Variants in HERC4 observed in about 807,000 individuals in gnomAD.
HERC4 encodes probable E3 ubiquitin-protein ligase HERC4.
HERC4 carries 28 observed loss-of-function variants against 124.3 expected under a neutral mutation model. That is an observed-to-expected ratio of 0.23 (90% CI 0.17 to 0.31). HERC4 has a LOEUF of 0.31. Ranked by LOEUF, HERC4 falls within the 10% of genes least tolerant of loss-of-function variation. The pLI is 1.00. For synonymous variants in HERC4, 407 were observed against 421.5 expected (o/e 0.97, Z 0.42); for missense variants, 713 against 1,229.3 (o/e 0.58, Z 6.28).
At chr10:68,000,760 A>G (rs1233347546) in intron 9 of HERC4, among the ~76,000 whole-genome samples, 1 of 152,098 alleles carries the variant, frequency 6.6e-6, no homozygotes, top group Non-Finnish European at 1.5e-5. Flanking sequence ...GTACAGAGAG[A>G]AGGCCAAGGT....
intron 19 of HERC4, among the ~76,000 whole-genome samples, chr10:67,951,522 A>T (rs1204066241): frequency 6.6e-6 from 1 of 152,218 alleles, no homozygotes; most frequent in Non-Finnish European, 1.5e-5. Context: ...TCTGGAACTC[A>T]CAATCTACCA....
intron 9 of HERC4, among the ~76,000 whole-genome samples, chr10:68,012,560 T>C (rs1464934578): frequency 6.6e-6 from 1 of 152,144 alleles, no homozygotes; most frequent in African/African-American, 2.4e-5. Flanking sequence ...AACATAAACA[T>C]TTATCAATTA....
intron 24 of HERC4, among the ~76,000 whole-genome samples, chr10:67,923,908 TTAAAAA>T (rs1193498392): frequency 2.0e-5 from 3 of 152,006 alleles, no homozygotes; most frequent in Non-Finnish European, 4.4e-5. Context: ...TCTGACAACT[TTAAAAA>T]TAAGTCAAAT....
chr10:67,954,919 T>G, intron 18 of HERC4, 44 bp downstream of exon 18: 1 of 1,522,476 alleles, frequency 6.6e-7, no homozygotes, highest in Non-Finnish European at 8.8e-7. Flanking sequence ...AAACATAGCT[T>G]CTGAATAAAA....
chr10:67,924,961 T>C (rs1186050470), intron 24 of HERC4, 124 bp downstream of exon 24: 1 of 516,448 alleles, frequency 1.9e-6, no homozygotes, highest in Non-Finnish European at 3.5e-6. Flanking sequence ...AGAAAATACA[T>C]GTACTGAAGA....
At position 67,932,634 on chromosome 10, in the gene HERC4, A is replaced by G. The variant is rs762964572; in HGVS notation, c.2801T>C (p.Ile934Thr). 1 of 1,611,308 alleles carries G rather than the reference A, an allele frequency of 6.2e-7. No individual in the cohort carries two copies. Among genetic ancestry groups the G allele is most frequent in the East Asian group, 2.2e-5 (1 of 44,560 alleles). ...CTTCCAATCATAATTTGTATTTCCA[A>G]TGACCATTGCTTGTAGTTCATTAGG... ...FQPNELQAMVIGNTNYDWKEL... is the reference protein window; with the variant it reads ...FQPNELQAMVTGNTNYDWKEL... The change falls in exon 23 of 25, where the codon ATT (isoleucine) becomes ACT (threonine). Residue 934 changes from isoleucine to threonine, a missense_variant. Physicochemically the swap from Ile to Thr is moderately conservative, Grantham distance 89 (BLOSUM62 -1). Transcript: ENST00000373700.
rs192140937 is a variant in HERC4, at chr10:68,038,639, T to A, written c.387-470A>T. Among the ~76,000 whole-genome samples the A allele has an allele frequency of 4.2e-4, 64 of 152,332 alleles. No individual in the cohort carries two copies. The Middle Eastern group carries it at 0.01, about 24-fold the overall frequency. ...TCTTAAGAACCAACAGGGATTCTTG[T>A]ATGTTCTACCAACTCTCAAATTATG... On this transcript the variant is annotated intron_variant, in intron 4 of 24. Transcript: ENST00000373700.
chr10:67,975,557 C>T (rs1280576189), intron 15 of HERC4, among the ~76,000 whole-genome samples: 1 of 152,106 alleles, frequency 6.6e-6, no homozygotes, highest in Non-Finnish European at 1.5e-5. Context: ...ACCATATTGG[C>T]CAGGCTGGTC....
chr10:67,930,388 T>G (rs1402875951), intron 23 of HERC4, among the ~76,000 whole-genome samples: 1 of 152,238 alleles, frequency 6.6e-6, no homozygotes, highest in Non-Finnish European at 1.5e-5. Context: ...ACTGAAACTC[T>G]GTCCCCTTGG....
intron 3 of HERC4, 29 bp from the exon 4 acceptor site, chr10:68,044,592 A>C (rs762810193): frequency 1.7e-5 from 27 of 1,597,586 alleles, no homozygotes; most frequent in Non-Finnish European, 8.5e-7. Flanking sequence ...GAAATATTGC[A>C]TTCTAGTACA....
rs1303499777 is a variant in HERC4 at position 68,059,888 on chromosome 10, C to A, written c.226+12995G>T. On this transcript the variant is annotated intron_variant, in intron 3 of 24. Coordinates refer to ENST00000373700, the MANE Select transcript of HERC4 (RefSeq NM_015601.4). ...TATATATTATAATAATATTATATATCATAATATTATATATTATATAATATT... is the reference window on the plus strand; with the variant it reads ...TATATATTATAATAATATTATATATAATAATATTATATATTATATAATATT... Among the ~76,000 whole-genome samples the A allele has an allele frequency of 1.6e-4, 9 of 57,844 alleles. 1 individual carries two copies. Among genetic ancestry groups the A allele is most frequent in the African/African-American group, 6.6e-4 (6 of 9,100 alleles). The allele number at this position is 57,844 out of a possible 152,430, so 37.9% of individuals were successfully genotyped here. A position where few individuals can be genotyped will look rare whatever the true frequency, so the allele number is the denominator to read the frequency against.
At chr10:67,960,311 C>T (rs1477957589) in intron 16 of HERC4, among the ~76,000 whole-genome samples, 1 of 152,218 alleles carries the variant, frequency 6.6e-6, no homozygotes, top group East Asian at 1.9e-4. Flanking sequence ...CTTTCCCAGA[C>T]TCTGCCCTGT....
chr10:68,073,496 A>G (rs572181671), intron 2 of HERC4, among the ~76,000 whole-genome samples, 161 bp downstream of exon 2: 3 of 152,328 alleles, frequency 2.0e-5, no homozygotes, highest in South Asian at 4.1e-4. Context: ...GATGAAATTA[A>G]TCACAATTTT....
In HERC4 at chr10:67,954,587, C is replaced by T. The variant is rs375311812; in HGVS notation, c.2337+8G>A. On this transcript the variant is annotated splice_region_variant and intron_variant, in intron 19 of 24. Coordinates refer to ENST00000373700, the MANE Select transcript of HERC4 (RefSeq NM_015601.4). ...CACAGAAGTAATTTAGATGGTTGGACATTTTACCTTATCAGAAAACCAAAT... is the reference window on the plus strand; with the variant it reads ...CACAGAAGTAATTTAGATGGTTGGATATTTTACCTTATCAGAAAACCAAAT... 26 of 1,608,702 alleles carry T rather than the reference C, an allele frequency of 1.6e-5. No homozygotes were observed. The highest frequency in any genetic ancestry group is 2.2e-5 in the Non-Finnish European group (26 of 1,176,682).
At chr10:67,943,069 C>A (rs2033048574) in intron 19 of HERC4, among the ~76,000 whole-genome samples, 1 of 152,100 alleles carries the variant, frequency 6.6e-6, no homozygotes, top group Non-Finnish European at 1.5e-5. Context: ...TATTTGAATT[C>A]TTCATATATT....
intron 3 of HERC4, among the ~76,000 whole-genome samples, chr10:68,062,691 C>T (rs1008251563): frequency 1.3e-5 from 2 of 151,946 alleles, no homozygotes; most frequent in Admixed American, 6.6e-5. Flanking sequence ...ACCCGGGAGG[C>T]GGAGGTTGCA....
chr10:68,072,240 G>T (rs1029286356), intron 3 of HERC4, among the ~76,000 whole-genome samples: 2 of 152,014 alleles, frequency 1.3e-5, no homozygotes, highest in African/African-American at 4.8e-5. Context: ...CATGAAATGT[G>T]ACCAAATTCC....
chr10:68,051,537 T>C (rs2133600160), intron 3 of HERC4, among the ~76,000 whole-genome samples: 1 of 151,642 alleles, frequency 6.6e-6, no homozygotes, highest in East Asian at 1.9e-4. Context: ...TTTTTTGTAT[T>C]TTTAGTAGAG....
chr10:68,008,296 T>C (rs866362806), intron 9 of HERC4, among the ~76,000 whole-genome samples: 1 of 152,236 alleles, frequency 6.6e-6, no homozygotes, highest in Non-Finnish European at 1.5e-5. Context: ...GACTAATTCC[T>C]GTCTATTGTT....
Sources: gnomAD v4.1 joint callset for allele counts (sites outside exome capture counted in the v4.1 genomes callset) on GRCh38, gnomAD v4.1.1 for gene constraint, MANE v1.5 for transcripts, NCBI Gene and HGNC (gene_info 2026-07-23, HGNC 2026-07-21) for gene names.